The following PCDHA9 variants were observed in gnomAD, a reference collection of about 807,000 sequenced individuals.
The protein encoded by PCDHA9 is protocadherin alpha-9.
In PCDHA9, 62 loss-of-function variants were observed where a neutral mutation model predicts 62.0. The observed-to-expected ratio is 1.00, with a 90% confidence interval of 0.81 to 1.23. The LOEUF is 1.23. Among genes scored for constraint, PCDHA9 ranks in the 50% most tolerant of loss-of-function variants. The pLI is 0.00. For missense variants in PCDHA9, 1,205 were observed against 1,249.8 expected, an observed-to-expected ratio of 0.96 and a Z score of 0.54; for synonymous variants, 557 against 567.6, an observed-to-expected ratio of 0.98 and a Z score of 0.27.
chr5:140,856,835 C>T, intron 1 of PCDHA9: 2 of 1,591,090 alleles, frequency 1.3e-6, no homozygotes, highest in Non-Finnish European at 1.7e-6. Flanking sequence ...AGTAATACGG[C>T]TCAACGCTTC....
At chr5:140,869,316 T>A in intron 1 of PCDHA9, 1 of 1,613,748 alleles carries the variant, frequency 6.2e-7, no homozygotes, top group Non-Finnish European at 8.5e-7. Context: ...CCAAAACACA[T>A]GGGGACCTTC....
At chr5:140,958,367 T>C (rs1029042656) in intron 1 of PCDHA9, among the ~76,000 whole-genome samples, 2 of 152,166 alleles carry the variant, frequency 1.3e-5, no homozygotes, top group Admixed American at 6.5e-5. Context: ...TTATCAGGAA[T>C]GTTGCTATTT....
At position 140,850,107 on chromosome 5, in the gene PCDHA9, C is replaced by G. The variant is rs2150467518; in HGVS notation, c.1612C>G (p.Arg538Gly). The G allele has an allele frequency of 6.3e-7, 1 of 1,596,166 alleles. No homozygotes were observed. Among genetic ancestry groups the G allele is most frequent in the East Asian group, 2.2e-5 (1 of 44,848 alleles). The change falls in exon 1 of 4, where the codon CGC becomes GGC. Residue 538 changes from arginine to glycine, a missense_variant. By Grantham distance (125) the Arg-to-Gly change is moderately radical. This residue lies in a region of PCDHA9 where 887 missense variants were observed against 809.5 expected (regional missense o/e 1.10). Transcript: ENST00000532602. ...GCTGCTACAGTTCCAGGTGAGCGCG[C>G]GCGACGCGGGCGTGCCGCCTCTGGG... ...LELLQFQVSA[R>G]DAGVPPLGSN...
chr5:140,967,870 G>A (rs782622860), intron 1 of PCDHA9: 31 of 1,614,152 alleles, frequency 1.9e-5, no homozygotes, highest in Non-Finnish European at 2.5e-5. Flanking sequence ...TGGTGCTCAC[G>A]GACCTGTATA....
At chr5:140,899,336 A>G (rs2067275819) in intron 1 of PCDHA9, among the ~76,000 whole-genome samples, 1 of 152,130 alleles carries the variant, frequency 6.6e-6, no homozygotes, top group Non-Finnish European at 1.5e-5. Context: ...TTTGTCATAG[A>G]TAGCTCTTAT....
chr5:140,877,668 C>T, intron 1 of PCDHA9: 1 of 1,613,568 alleles, frequency 6.2e-7, no homozygotes, highest in Non-Finnish European at 8.5e-7. Context: ...TGAGCCGGTG[C>T]GCGCCGGGCA....
chr5:140,882,935 ACTGGCACAGTTCAG>A (rs2153388631), intron 1 of PCDHA9: 1 of 1,614,238 alleles, frequency 6.2e-7, no homozygotes, highest in East Asian at 2.2e-5. Flanking sequence ...ACCCGAGCTG[ACTGGCACAGTTCAG>A]CTGCTCATCA....
chr5:140,877,321 G>A (rs1554169599), intron 1 of PCDHA9: 2 of 1,614,000 alleles, frequency 1.2e-6, no homozygotes, highest in South Asian at 2.2e-5. Context: ...GGCGGCGGTC[G>A]GCGCGCACAT....
At chr5:140,858,313 G>A (rs781800844) in intron 1 of PCDHA9, 1 of 1,597,108 alleles carries the variant, frequency 6.3e-7, no homozygotes, top group Non-Finnish European at 8.6e-7. Flanking sequence ...GGCGGCAGAG[G>A]GTGTGTTCTG....
chr5:140,882,602 A>G lies in PCDHA9; in HGVS notation c.2394+31713A>G, dbSNP rs782347582. 1.9e-6 allele frequency: 3 copies of G among 1,614,276 alleles called. No homozygotes were observed. In the South Asian group the frequency reaches 3.3e-5, roughly 18 times the overall value. ...CATCCACCTGGAGGTGATCGTGGAC[A>G]GGCCTCTGCAGGTTTTCCATGTGGA... On this transcript the variant is annotated intron_variant, in intron 1 of 3. Coordinates refer to ENST00000532602, the MANE Select transcript of PCDHA9 (RefSeq NM_031857.2).
intron 1 of PCDHA9, among the ~76,000 whole-genome samples, chr5:140,945,356 G>A (rs1294877669): frequency 1.1e-4 from 16 of 151,976 alleles, no homozygotes; most frequent in Non-Finnish European, 1.9e-4. Flanking sequence ...AATTAATACT[G>A]TTTAAAATGT....
chr5:140,989,085 C>T (rs1481898269), intron 3 of PCDHA9: 7 of 152,258 alleles, frequency 4.6e-5, no homozygotes, highest in Non-Finnish European at 7.4e-5. Context: ...CTCTGAAAAC[C>T]TTGTCAGGAG....
intron 1 of PCDHA9, chr5:140,877,083 G>T: frequency 6.2e-7 from 1 of 1,613,166 alleles, no homozygotes; most frequent in Non-Finnish European, 8.5e-7. Context: ...AGGTGAGCGC[G>T]CGCGACGCCG....
chr5:140,933,762 T>C (rs2089409260), intron 1 of PCDHA9, among the ~76,000 whole-genome samples: 1 of 152,128 alleles, frequency 6.6e-6, no homozygotes, highest in African/African-American at 2.4e-5. Flanking sequence ...AGTGAAGCTC[T>C]CTGTACCTAC....
At position 140,863,735 on chromosome 5, in the gene PCDHA9, C is replaced by T. The variant is rs189909313; in HGVS notation, c.2394+12846C>T. On this transcript the variant is annotated intron_variant, in intron 1 of 3. Transcript: ENST00000532602. ...TGGGGCCGGGTGCGGTAGCTCATGC[C>T]TATTTGTAATCCCGGCACTTTGGGA... The T allele has an allele frequency of 4.8e-3, 1,219 of 255,524 alleles. 5 individuals are homozygous for T. Among genetic ancestry groups the T allele is most frequent in the Non-Finnish European group, 6.2e-3 (808 of 129,746 alleles). The allele number at this position is 255,524 out of a possible 1,614,324, so 15.8% of individuals were successfully genotyped here. A position where few individuals can be genotyped will look rare whatever the true frequency, so the allele number is the denominator to read the frequency against.
intron 1 of PCDHA9, among the ~76,000 whole-genome samples, chr5:140,965,210 T>C (rs1554227481): frequency 6.6e-6 from 1 of 152,214 alleles, no homozygotes; most frequent in Non-Finnish European, 1.5e-5. Context: ...TTCAAATTCC[T>C]GTGGAAGAAA....
intron 1 of PCDHA9, among the ~76,000 whole-genome samples, chr5:140,921,258 G>C (rs537231615): frequency 6.6e-6 from 1 of 151,824 alleles, no homozygotes; most frequent in South Asian, 2.1e-4. Flanking sequence ...AAAAGTCCTA[G>C]ACTTTTATAC....
Position 140,855,877 on chromosome 5 carries a change from C to T in PCDHA9, c.2394+4988C>T, listed in dbSNP as rs577890350. 6.7e-6 allele frequency: 6 copies of T among 897,114 alleles called. No individual in the cohort carries two copies. In the South Asian group the frequency reaches 1.2e-4, roughly 18 times the overall value. The allele number at this position is 897,114 out of a possible 1,614,324, so 55.6% of individuals were successfully genotyped here. A position where few individuals can be genotyped will look rare whatever the true frequency, so the allele number is the denominator to read the frequency against. On this transcript the variant is annotated intron_variant, in intron 1 of 3. Transcript: ENST00000532602. ...GATGTCGCTGTCGTCCACAAAATAGCTTTTTAGAACAAAGGCATCAGCCAG... is the reference window on the plus strand; with the variant it reads ...GATGTCGCTGTCGTCCACAAAATAGTTTTTTAGAACAAAGGCATCAGCCAG...
In PCDHA9 at chr5:141,011,117, C is replaced by A. The variant is rs1301385116; in HGVS notation, c.*1180C>A. The A allele has an allele frequency of 1.3e-5, 2 of 153,590 alleles. No homozygotes were observed. The highest frequency in any genetic ancestry group is 2.4e-5 in the African/African-American group (1 of 41,402). The allele number at this position is 153,590 out of a possible 1,614,324, so 9.5% of individuals were successfully genotyped here. The stretch of plus-strand genomic sequence containing the variant: ...CTCTCTCTCTCTCTTTTCTAAGAAA[C>A]AATTATGTGCACTTTGATACACAAC... On this transcript the variant is annotated 3_prime_UTR_variant, in exon 4 of 4. Coordinates refer to ENST00000532602, the MANE Select transcript of PCDHA9 (RefSeq NM_031857.2).
Sources: gnomAD v4.1 joint callset for allele counts (sites outside exome capture counted in the v4.1 genomes callset) on GRCh38, gnomAD v4.1.1 for gene constraint, gnomAD v4.1.1 regional missense constraint, MANE v1.5 for transcripts, NCBI Gene and HGNC (gene_info 2026-07-23, HGNC 2026-07-21) for gene names.